KSR2: variants seen among roughly 807,000 people sequenced by gnomAD.
KSR2 encodes kinase suppressor of ras 2.
In KSR2, 25 loss-of-function variants were observed where a neutral mutation model predicts 107.8. That is an observed-to-expected ratio of 0.23 (90% CI 0.17 to 0.32). KSR2 has a LOEUF of 0.32. Ranked by LOEUF, KSR2 falls within the 10% of genes least tolerant of loss-of-function variation. The probability of loss-of-function intolerance (pLI) is 1.00; values close to 1 mark genes in which losing one functional copy is unlikely to be tolerated. For synonymous variants in KSR2, 480 were observed against 507.0 expected (o/e 0.95, Z 0.71); for missense variants, 887 against 1,268.9 (o/e 0.70, Z 4.57).
chr12:117,546,431 A>T lies in KSR2; in HGVS notation c.1519-6544T>A, dbSNP rs76892179. Among the ~76,000 whole-genome samples, 536 of 152,326 alleles carry T rather than the reference A, an allele frequency of 3.5e-3. 2 individuals are homozygous for T. Among genetic ancestry groups the T allele is most frequent in the African/African-American group, 0.012 (514 of 41,576 alleles). ...TCAGTTTTCAGAAGTTTGACATGAC[A>T]TATCCTAGCATGGATTTCTTTGAAT... On this transcript the variant is annotated intron_variant, in intron 9 of 19. Coordinates refer to ENST00000339824, the MANE Select transcript of KSR2 (RefSeq NM_173598.6).
chr12:117,542,595 T>A (rs770929969), intron 9 of KSR2, among the ~76,000 whole-genome samples: 3 of 152,148 alleles, frequency 2.0e-5, no homozygotes, highest in Non-Finnish European at 4.4e-5. Context: ...CCTCCCCCCA[T>A]ATTTAACCCC....
intron 3 of KSR2, among the ~76,000 whole-genome samples, chr12:117,793,607 GCA>G (rs556375972): frequency 8.3e-4 from 109 of 131,484 alleles, no homozygotes; most frequent in African/African-American, 1.7e-3. Context: ...ACACCAACAT[GCA>G]CACTCACACC....
At chr12:117,946,828 C>T (rs1365940722) in intron 1 of KSR2, among the ~76,000 whole-genome samples, 1 of 152,080 alleles carries the variant, frequency 6.6e-6, no homozygotes, top group Non-Finnish European at 1.5e-5. Context: ...CTACATCAAA[C>T]ATATTAACAG....
chr12:117,879,386 T>A (rs1397388522), intron 1 of KSR2, among the ~76,000 whole-genome samples: 2 of 152,266 alleles, frequency 1.3e-5, no homozygotes, highest in African/African-American at 4.8e-5. Context: ...TTATGTACAA[T>A]ATTATTAATA....
chr12:117,587,872 C>T (rs1276355446), intron 5 of KSR2, among the ~76,000 whole-genome samples: 1 of 152,158 alleles, frequency 6.6e-6, no homozygotes, highest in Non-Finnish European at 1.5e-5. Context: ...CTCCCTCTGG[C>T]GGTCGAGGGG....
chr12:117,533,554 C>T (rs564730741), intron 10 of KSR2, among the ~76,000 whole-genome samples: 2 of 152,182 alleles, frequency 1.3e-5, no homozygotes, highest in Non-Finnish European at 2.9e-5. Flanking sequence ...AGAAAATCAC[C>T]CTCCATGACT....
intron 3 of KSR2, 116 bp from the exon 4 acceptor site, chr12:117,761,640 T>TAATGG: frequency 1.1e-6 from 1 of 951,588 alleles, no homozygotes; most frequent in Non-Finnish European, 1.7e-6. Flanking sequence ...TTACATCATG[T>TAATGG]GCATGTTACA....
intron 3 of KSR2, among the ~76,000 whole-genome samples, chr12:117,803,919 C>G (rs1335756157): frequency 6.6e-6 from 1 of 152,190 alleles, no homozygotes; most frequent in African/African-American, 2.4e-5. Flanking sequence ...AGAGCTGCAT[C>G]TGGAACCTAA....
chr12:117,840,477 C>T (rs1432498186), intron 3 of KSR2, among the ~76,000 whole-genome samples: 3 of 152,090 alleles, frequency 2.0e-5, no homozygotes, highest in Non-Finnish European at 2.9e-5. Flanking sequence ...CTTACTGCAG[C>T]CTCCACCTCC....
chr12:117,597,544 G>A (rs1241434365), intron 5 of KSR2, among the ~76,000 whole-genome samples: 1 of 152,158 alleles, frequency 6.6e-6, no homozygotes, highest in Non-Finnish European at 1.5e-5. Context: ...TGGAAGATGG[G>A]AAAGATGTAG....
At chr12:117,833,840 A>G (rs999777941) in intron 3 of KSR2, among the ~76,000 whole-genome samples, 17 of 152,054 alleles carry the variant, frequency 1.1e-4, no homozygotes, top group African/African-American at 4.1e-4. Flanking sequence ...TTCCCAAAAA[A>G]TCACAGTATC....
At chr12:117,803,173 T>C (rs961232667) in intron 3 of KSR2, among the ~76,000 whole-genome samples, 28 of 152,322 alleles carry the variant, frequency 1.8e-4, no homozygotes, top group African/African-American at 6.7e-4. Context: ...GAGTGATTTA[T>C]TGGGCATGAA....
chr12:117,702,031 GCT>G (rs1886347586), intron 4 of KSR2, among the ~76,000 whole-genome samples: 1 of 152,188 alleles, frequency 6.6e-6, no homozygotes, highest in African/African-American at 2.4e-5. Context: ...CTTCCCACTT[GCT>G]CTTTCTCCTC....
intron 13 of KSR2, among the ~76,000 whole-genome samples, chr12:117,526,164 C>T (rs1188807587): frequency 6.6e-6 from 1 of 152,206 alleles, no homozygotes; most frequent in African/African-American, 2.4e-5. Flanking sequence ...TATCCGCAGG[C>T]CAGGACCAGG....
chr12:117,683,277 A>C (rs956358300), intron 4 of KSR2, among the ~76,000 whole-genome samples: 2 of 152,074 alleles, frequency 1.3e-5, no homozygotes, highest in Admixed American at 6.5e-5. Context: ...AAAGGAAAAA[A>C]ATTCTAGAAA....
At chr12:117,958,744 C>G (rs966109426) in intron 1 of KSR2, among the ~76,000 whole-genome samples, 6 of 152,172 alleles carry the variant, frequency 3.9e-5, no homozygotes, top group African/African-American at 1.2e-4. Flanking sequence ...TTGCTTGAAC[C>G]TGGGAGACAG....
intron 14 of KSR2, among the ~76,000 whole-genome samples, chr12:117,510,582 A>G (rs1873961184): frequency 6.6e-6 from 1 of 152,180 alleles, no homozygotes; most frequent in Non-Finnish European, 1.5e-5. Flanking sequence ...TAGCAGTAAC[A>G]ATGTCTGCGA....
At chr12:117,894,040 G>T (rs373414052) in intron 1 of KSR2, among the ~76,000 whole-genome samples, 56 of 152,012 alleles carry the variant, frequency 3.7e-4, no homozygotes, top group African/African-American at 1.2e-3. Flanking sequence ...CTCCCGAGTA[G>T]CTCGGAATAC....
chr12:117,915,318 G>T (rs576354053), intron 1 of KSR2, among the ~76,000 whole-genome samples: 1 of 152,202 alleles, frequency 6.6e-6, no homozygotes, highest in Non-Finnish European at 1.5e-5. Flanking sequence ...GCCCTTTGAT[G>T]AAAAGGCACT....
Sources: gnomAD v4.1 joint callset for allele counts (sites outside exome capture counted in the v4.1 genomes callset) on GRCh38, gnomAD v4.1.1 for gene constraint, MANE v1.5 for transcripts, NCBI Gene and HGNC (gene_info 2026-07-23, HGNC 2026-07-21) for gene names.